SRGAP3: variants seen among roughly 807,000 people sequenced by gnomAD.
SRGAP3 encodes SLIT-ROBO Rho GTPase activating protein 3, also known as SLIT-ROBO Rho GTPase-activating protein 3.
A neutral mutation model predicts 121.1 loss-of-function variants in SRGAP3; 39 were observed. The observed-to-expected ratio is 0.32, with a 90% CI of 0.25 to 0.42. SRGAP3 has a LOEUF of 0.42. Among genes scored for constraint, SRGAP3 ranks in the 10% least tolerant of loss-of-function variants. The pLI, the probability that SRGAP3 is intolerant of heterozygous loss-of-function variation, is 1.00. For synonymous variants in SRGAP3, 601 were observed against 570.0 expected, an observed-to-expected ratio of 1.05 and a Z score of -0.77; for missense variants, 1,213 against 1,470.6, an observed-to-expected ratio of 0.82 and a Z score of 2.86.
chr3:9,132,378 A>T (rs1315526572), intron 1 of SRGAP3, among the ~76,000 whole-genome samples: 1 of 152,148 alleles, frequency 6.6e-6, no homozygotes, highest in Admixed American at 6.5e-5. Flanking sequence ...TTGCCACCCT[A>T]AAAATCCTCG....
At position 8,985,258 on chromosome 3, in the gene SRGAP3, T is replaced by G; in HGVS notation, c.*261A>C. On this transcript the variant is annotated 3_prime_UTR_variant, in exon 22 of 22. Coordinates refer to ENST00000383836, the MANE Select transcript of SRGAP3 (RefSeq NM_014850.4). The surrounding 1 kb of genome is among the most constrained non-coding windows in gnomAD (Gnocchi z 5.1). ...AGCCATGTGGTATTTTGCCTCCATG[T>G]TAGGGAATGCTGTGGTTGGGGCTGC... 1.6e-6 allele frequency: 1 copy of G among 642,086 alleles called. No individual in the cohort carries two copies. The highest frequency in any genetic ancestry group is 3.2e-5 in the East Asian group (1 of 31,154). The allele number at this position is 642,086 out of a possible 1,614,324, so 39.8% of individuals were successfully genotyped here.
chr3:9,171,178 G>A (rs1575180760), intron 1 of SRGAP3, among the ~76,000 whole-genome samples: 1 of 152,220 alleles, frequency 6.6e-6, no homozygotes. Context: ...GGAAACCTGA[G>A]GTCCCCTCTC....
chr3:9,096,829 A>C (rs1383827769), intron 3 of SRGAP3, among the ~76,000 whole-genome samples: 1 of 148,324 alleles, frequency 6.7e-6, no homozygotes, highest in African/African-American at 2.5e-5. Flanking sequence ...TCTCATTCTC[A>C]TTAAATTTCT....
In SRGAP3 at chr3:8,985,926, C is replaced by T. The variant is rs140764295; in HGVS notation, c.2893G>A (p.Glu965Lys). ...LEAEALAEDI[E>K]KTMSTALHEL... ...TGCAGAGCCGTGCTCATGGTCTTCT[C>T]GATGTCCTGGGGACAGAGGGAGCTG... Residue 965 changes from glutamate to lysine, a missense_variant, in exon 22 of 22, where the codon GAG (glutamate) becomes AAG (lysine). Glu to Lys is a moderately conservative substitution (Grantham distance 56). This residue lies in a region of SRGAP3 where 420 missense variants were observed against 437.7 expected (regional missense o/e 0.96). Coordinates refer to ENST00000383836, the MANE Select transcript of SRGAP3 (RefSeq NM_014850.4). The surrounding 1 kb of genome is among the most constrained non-coding windows in gnomAD (Gnocchi z 5.1). 6.3e-7 allele frequency: 1 copy of T among 1,599,606 alleles called. No individual in the cohort carries two copies. The highest frequency in any genetic ancestry group is 8.5e-7 in the Non-Finnish European group (1 of 1,179,916).
intron 1 of SRGAP3, among the ~76,000 whole-genome samples, chr3:9,156,632 G>GC (rs1458980332): frequency 3.9e-5 from 6 of 152,204 alleles, no homozygotes; most frequent in African/African-American, 1.4e-4. Flanking sequence ...TTGGGACTCT[G>GC]CCTGTCAAGG....
chr3:9,342,096 A>T (rs180701093), intron 1 of SRGAP3, among the ~76,000 whole-genome samples: 15 of 152,338 alleles, frequency 9.8e-5, no homozygotes, highest in Non-Finnish European at 1.8e-4. Flanking sequence ...CACACCTGTA[A>T]TCCCAGCACT....
intron 3 of SRGAP3, among the ~76,000 whole-genome samples, chr3:9,267,489 G>A (rs1462616762): frequency 1.3e-5 from 2 of 152,194 alleles, no homozygotes; most frequent in East Asian, 3.8e-4. Flanking sequence ...TGTTCTGGAT[G>A]TTGTGGGTGC....
At chr3:9,073,603 T>A (rs1463229212) in intron 4 of SRGAP3, among the ~76,000 whole-genome samples, 1 of 152,170 alleles carries the variant, frequency 6.6e-6, no homozygotes, top group African/African-American at 2.4e-5. Flanking sequence ...AGATTTCTCA[T>A]CCCTAAGACG....
At chr3:9,323,354 A>G (rs1955467299) in intron 3 of SRGAP3, among the ~76,000 whole-genome samples, 1 of 151,986 alleles carries the variant, frequency 6.6e-6, no homozygotes, top group Non-Finnish European at 1.5e-5. Context: ...GGAAGACTTC[A>G]TGTAAATTTG....
chr3:9,255,951 A>G (rs1212802310), intron 3 of SRGAP3, among the ~76,000 whole-genome samples: 1 of 152,132 alleles, frequency 6.6e-6, no homozygotes, highest in East Asian at 1.9e-4. Context: ...CCAGCATCCC[A>G]TGGCTCACAA....
In SRGAP3 at chr3:9,104,683, T is replaced by C; in HGVS notation, c.420A>G (p.Lys140=). 1 of 1,614,140 alleles carries C rather than the reference T, an allele frequency of 6.2e-7. No individual in the cohort carries two copies. Among genetic ancestry groups the C allele is most frequent in the Non-Finnish European group, 8.5e-7 (1 of 1,179,988 alleles). ...GTAGAGCAGCCCACTTGCCTACCTT[T>C]TTGAAGAGTCTGATGACATCCTCAC... is the stretch of plus-strand genomic sequence containing the variant. The part of the protein sequence containing the change: ...QISEDVIRLF[K]KSKEIGLQMH... Residue 140 remains lysine, a synonymous_variant, in exon 3 of 22, where the codon AAA becomes AAG. Transcript: ENST00000383836.
intron 4 of SRGAP3, among the ~76,000 whole-genome samples, chr3:9,079,136 T>C (rs1165310212): frequency 1.3e-5 from 2 of 152,170 alleles, no homozygotes; most frequent in Non-Finnish European, 2.9e-5. Flanking sequence ...GATTTTCAAA[T>C]ACAATTTTAC....
At chr3:9,354,655 C>A (rs202015304) in intron 1 of SRGAP3, among the ~76,000 whole-genome samples, 3 of 133,444 alleles carry the variant, frequency 2.2e-5, no homozygotes, top group East Asian at 4.3e-4. Flanking sequence ...GCACTCCAGC[C>A]GGGGTGACAG....
At chr3:9,215,182 G>A (rs1050735915) in intron 1 of SRGAP3, among the ~76,000 whole-genome samples, 5 of 152,192 alleles carry the variant, frequency 3.3e-5, no homozygotes, top group Admixed American at 6.5e-5. Context: ...AATTTCAGCA[G>A]GTCAGCTCTT....
intron 3 of SRGAP3, among the ~76,000 whole-genome samples, chr3:9,286,089 G>A (rs550863093): frequency 1.1e-3 from 165 of 150,566 alleles, no homozygotes; most frequent in African/African-American, 3.8e-3. Context: ...TCCAGCCTGG[G>A]TGACAAAGCG....
intron 1 of SRGAP3, among the ~76,000 whole-genome samples, chr3:9,237,936 G>A (rs149830752): frequency 3.3e-4 from 50 of 152,338 alleles, no homozygotes; most frequent in African/African-American, 9.6e-4. Context: ...CAGGGAGACC[G>A]CTTAGAACTG....
chr3:9,004,892 C>T (rs553158289), intron 18 of SRGAP3, among the ~76,000 whole-genome samples: 24 of 152,182 alleles, frequency 1.6e-4, no homozygotes, highest in South Asian at 2.1e-4. Context: ...CAAAAGCATG[C>T]GCAACAAAAG....
rs1328319539 is a variant in SRGAP3 at position 9,096,962 on chromosome 3, TATATATATATATATATATAC to T, written c.423+7698_423+7717del. Among the ~76,000 whole-genome samples the T allele has an allele frequency of 9.0e-3, 848 of 93,808 alleles. 15 individuals are homozygous for T. Among genetic ancestry groups the T allele is most frequent in the Non-Finnish European group, 0.013 (612 of 47,834 alleles). 61.5% of individuals were successfully genotyped at this position (93,808 alleles called of 152,430 possible). A position where few individuals can be genotyped will look rare whatever the true frequency, so the allele number is the denominator to read the frequency against. On this transcript the variant is annotated intron_variant, in intron 3 of 21. Transcript: ENST00000383836. ...GTATATATATATATATATATATATA[TATATATATATATATATATAC>T]ACATACACACACATATATATATATT...
chr3:9,335,338 A>G (rs1454517776), intron 1 of SRGAP3, among the ~76,000 whole-genome samples: 1 of 152,210 alleles, frequency 6.6e-6, no homozygotes, highest in African/African-American at 2.4e-5. Context: ...GTGAATTTAT[A>G]TGTGTGTATA....
Sources: allele counts gnomAD v4.1 joint callset (sites outside exome capture counted in the v4.1 genomes callset), GRCh38; gene constraint gnomAD v4.1.1; regional missense constraint gnomAD v4.1.1; non-coding constraint Gnocchi (gnomAD v3.1); transcripts MANE v1.5; gene names NCBI Gene and HGNC (gene_info 2026-07-23, HGNC 2026-07-21).